The following KLRF1 variants were observed in gnomAD, a reference collection of about 807,000 sequenced individuals.
The protein encoded by KLRF1 is killer cell lectin-like receptor subfamily F member 1.
In KLRF1, 27 loss-of-function variants were observed where a neutral mutation model predicts 30.7. The observed-to-expected ratio is 0.88, with a 90% CI of 0.65 to 1.21. The LOEUF (loss-of-function observed/expected upper bound fraction) is 1.21, where lower values mean the gene tolerates loss of function less well. Ranked by LOEUF, KLRF1 falls within the 50% of genes most tolerant of loss-of-function variation. The pLI is 0.00. For missense variants in KLRF1, 246 were observed against 259.3 expected (o/e 0.95, Z 0.35); for synonymous variants, 92 against 89.3 (o/e 1.03, Z -0.17).
chr12:9,808,085 T>A, the KLRF1 span, among the ~76,000 whole-genome samples: 1 of 152,236 alleles, frequency 6.6e-6, no homozygotes, highest in South Asian at 2.1e-4. Flanking sequence ...ATATGTTGGT[T>A]TATTTTGTAT....
the KLRF1 span, among the ~76,000 whole-genome samples, chr12:9,810,785 T>G: frequency 6.6e-6 from 1 of 152,224 alleles, no homozygotes; most frequent in African/African-American, 2.4e-5. Flanking sequence ...AGTGAGAATT[T>G]TTTTTATGAA....
intron 3 of KLRF1, among the ~76,000 whole-genome samples, chr12:9,839,876 C>T (rs1362696003): frequency 6.6e-6 from 1 of 152,038 alleles, no homozygotes; most frequent in East Asian, 1.9e-4. Flanking sequence ...AGACATATGT[C>T]CTTACAAAAA....
rs777425107 is a variant in KLRF1 at position 9,841,939 on chromosome 12, C to T, written c.462C>T (p.Asp154=). 3 of 1,611,176 alleles carry T rather than the reference C, an allele frequency of 1.9e-6. No homozygotes were observed. The highest frequency in any genetic ancestry group is 2.5e-6 in the Non-Finnish European group (3 of 1,178,564). The part of the protein sequence containing the change: ...ERKSHLLIIH[D]QLEMAFIQKN... Reference sequence around the variant, plus strand: ...AATCTCATCTACTAATCATACATGACCAACTTGAAATGGTAATTGGTCTAG... The same window carrying T: ...AATCTCATCTACTAATCATACATGATCAACTTGAAATGGTAATTGGTCTAG... The change falls in exon 4 of 6, where the codon GAC becomes GAT. Residue 154 remains aspartate (D), a synonymous_variant. Transcript: ENST00000617889.
At chr12:9,826,626 C>T (rs60122526), upstream of KLRF1, among the ~76,000 whole-genome samples, 3,847 of 152,138 alleles carry the variant, frequency 0.025, 150 homozygotes, top group African/African-American at 0.087. Flanking sequence ...AACCTAAATG[C>T]CCATCAATGG....
At chr12:9,840,541 A>C (rs1033832469) in intron 3 of KLRF1, among the ~76,000 whole-genome samples, 7 of 152,122 alleles carry the variant, frequency 4.6e-5, no homozygotes, top group African/African-American at 1.7e-4. Context: ...AAATCAAAGA[A>C]CTTCATAATA....
At chr12:9,808,380 G>T in the KLRF1 span, among the ~76,000 whole-genome samples, 62 of 151,934 alleles carry the variant, frequency 4.1e-4, no homozygotes, top group Middle Eastern at 3.4e-3. Flanking sequence ...CTTGCTTTTT[G>T]ATTTTTTTTT....
chr12:9,819,919 A>G, the KLRF1 span, among the ~76,000 whole-genome samples: 13 of 152,198 alleles, frequency 8.5e-5, no homozygotes, highest in African/African-American at 2.9e-4. Context: ...CCTAGGATGG[A>G]GCTCCCAGAG....
the KLRF1 span, among the ~76,000 whole-genome samples, chr12:9,820,955 G>A: frequency 2.0e-5 from 3 of 152,230 alleles, no homozygotes; most frequent in East Asian, 5.8e-4. Flanking sequence ...ACCACAGAAT[G>A]GTTGCCCCAT....
chr12:9,813,808 A>G, the KLRF1 span, among the ~76,000 whole-genome samples: 1 of 152,052 alleles, frequency 6.6e-6, no homozygotes, highest in Non-Finnish European at 1.5e-5. Context: ...CCACATTCCC[A>G]CCGCAGACTC....
At chr12:9,843,364 C>A (rs753032009) in intron 5 of KLRF1, among the ~76,000 whole-genome samples, 6 of 152,094 alleles carry the variant, frequency 3.9e-5, no homozygotes, top group African/African-American at 7.2e-5. Context: ...TTGTTTTAGG[C>A]CACTACATTT....
rs1297642641 is a variant in KLRF1 at position 9,832,344 on chromosome 12, A to T, written c.114A>T (p.Lys38Asn). The change falls in exon 2 of 6, where the codon AAA becomes AAT. Residue 38 changes from lysine (K) to asparagine (N), a missense_variant. Physicochemically the swap from Lys to Asn is moderately conservative, Grantham distance 94. Coordinates refer to ENST00000617889, the MANE Select transcript of KLRF1 (RefSeq NM_016523.3). ...ATTCAGTGACGTTGCACTGGTATAA[A>T]ATCTTACTGGGAATATCTGGAACCG... ...KDYSVTLHWYKILLGISGTVN... is the reference protein window; with the variant it reads ...KDYSVTLHWYNILLGISGTVN... 1 of 1,608,150 alleles carries T rather than the reference A, an allele frequency of 6.2e-7. No individual in the cohort carries two copies.
At chr12:9,838,599 G>A (rs139068079) in intron 3 of KLRF1, among the ~76,000 whole-genome samples, 1 of 152,230 alleles carries the variant, frequency 6.6e-6, no homozygotes, top group East Asian at 1.9e-4. Flanking sequence ...AATGCTCCAA[G>A]ATACCAACCA....
In KLRF1 at chr12:9,833,901, C is replaced by CTTTT. The variant is rs35443913; in HGVS notation, c.334+471_334+474dup. 8.9e-3 allele frequency among the ~76,000 whole-genome samples: 729 copies of CTTTT among 82,362 alleles called. 45 individuals are homozygous for CTTTT. The highest frequency in any genetic ancestry group is 0.031 in the African/African-American group (564 of 18,046). 54.0% of individuals were successfully genotyped at this position (82,362 alleles called of 152,430 possible). Reference sequence around the variant, plus strand: ...TTACCTTCTATTTTTAAATGTTTAACTTTTTTTTTTTTTTTTTTTTTTTTT... The same window carrying CTTTT: ...TTACCTTCTATTTTTAAATGTTTAACTTTTTTTTTTTTTTTTTTTTTTTTTTTTT... On this transcript the variant is annotated intron_variant, in intron 3 of 5. Transcript: ENST00000617889.
At chr12:9,817,057 G>A in the KLRF1 span, among the ~76,000 whole-genome samples, 13 of 152,062 alleles carry the variant, frequency 8.5e-5, no homozygotes, top group East Asian at 2.3e-3. Context: ...TTTGCATTTT[G>A]TCCTACGTGT....
At chr12:9,800,466 A>T in the KLRF1 span, among the ~76,000 whole-genome samples, 3 of 151,774 alleles carry the variant, frequency 2.0e-5, no homozygotes, top group Non-Finnish European at 4.4e-5. Context: ...AACCCCTCCT[A>T]TTCTTCCCCT....
chr12:9,808,728 GTAAATA>G, the KLRF1 span, among the ~76,000 whole-genome samples: 1 of 152,102 alleles, frequency 6.6e-6, no homozygotes, highest in African/African-American at 2.4e-5. Flanking sequence ...CTAAGTCTTA[GTAAATA>G]TCCATATGTG....
the KLRF1 span, among the ~76,000 whole-genome samples, chr12:9,813,056 A>G: frequency 6.6e-6 from 1 of 152,134 alleles, no homozygotes; most frequent in South Asian, 2.1e-4. Flanking sequence ...GGCTTGGGGG[A>G]ATATCCTTGC....
chr12:9,819,378 C>G, the KLRF1 span, among the ~76,000 whole-genome samples: 1 of 152,172 alleles, frequency 6.6e-6, no homozygotes, highest in African/African-American at 2.4e-5. Flanking sequence ...CCACTGGTAG[C>G]AAGGTTATAC....
intron 4 of KLRF1, 68 bp from the exon 5 acceptor site, chr12:9,842,253 T>C (rs1247196776): frequency 6.4e-7 from 1 of 1,569,870 alleles, no homozygotes; most frequent in Non-Finnish European, 8.7e-7. Context: ...TGCAATAACA[T>C]TTAAAATATT....
Sources: allele counts gnomAD v4.1 joint callset (sites outside exome capture counted in the v4.1 genomes callset), GRCh38; gene constraint gnomAD v4.1.1; transcripts MANE v1.5; gene names NCBI Gene and HGNC (gene_info 2026-07-23, HGNC 2026-07-21).